PCDH9: variants seen among roughly 807,000 people sequenced by gnomAD.
PCDH9 encodes protocadherin-9.
A neutral mutation model predicts 70.6 loss-of-function variants in PCDH9; 24 were observed. The observed-to-expected ratio is 0.34, with a 90% CI of 0.25 to 0.48. The LOEUF (loss-of-function observed/expected upper bound fraction) is 0.48. PCDH9 is among the 20% of genes least tolerant of loss of function. The pLI, the probability that PCDH9 is intolerant of heterozygous loss-of-function variation, is 0.99. For synonymous variants in PCDH9, 562 were observed against 558.5 expected (o/e 1.01, Z -0.09); for missense variants, 1,281 against 1,503.6 (o/e 0.85, Z 2.45).
At chr13:66,786,396 G>A (rs1426541418) in intron 3 of PCDH9, among the ~76,000 whole-genome samples, 12 of 152,158 alleles carry the variant, frequency 7.9e-5, no homozygotes, top group Admixed American at 7.2e-4. Flanking sequence ...ATGCTTAGGG[G>A]AAAGCTTGCT....
chr13:66,845,197 T>C (rs1185667950), intron 3 of PCDH9, among the ~76,000 whole-genome samples: 1 of 152,146 alleles, frequency 6.6e-6, no homozygotes, highest in Non-Finnish European at 1.5e-5. Context: ...CCGCTGTTCA[T>C]AGTGCCCAGG....
intron 3 of PCDH9, among the ~76,000 whole-genome samples, chr13:66,738,874 C>T (rs1212839909): frequency 1.3e-5 from 2 of 149,592 alleles, no homozygotes; most frequent in Admixed American, 1.3e-4. Context: ...ATTGGTGTAC[C>T]TGAAAGTGAT....
intron 4 of PCDH9, among the ~76,000 whole-genome samples, chr13:66,562,659 C>T (rs1043986422): frequency 7.2e-5 from 11 of 152,150 alleles, no homozygotes; most frequent in East Asian, 3.9e-4. Flanking sequence ...TACCTCCCAC[C>T]GGGTCCCTCC....
chr13:66,793,771 T>C (rs2080197533), intron 3 of PCDH9, among the ~76,000 whole-genome samples: 1 of 152,206 alleles, frequency 6.6e-6, no homozygotes, highest in Non-Finnish European at 1.5e-5. Flanking sequence ...TCTGTTGTGC[T>C]TGATTATTGG....
At chr13:66,358,706 G>C (rs1257416786) in intron 4 of PCDH9, among the ~76,000 whole-genome samples, 1 of 151,846 alleles carries the variant, frequency 6.6e-6, no homozygotes, top group African/African-American at 2.4e-5. Flanking sequence ...CATAAAATAA[G>C]TGTATTGTTT....
At chr13:66,527,959 A>G (rs1363724731) in intron 4 of PCDH9, among the ~76,000 whole-genome samples, 2 of 152,170 alleles carry the variant, frequency 1.3e-5, no homozygotes, top group African/African-American at 4.8e-5. Context: ...TGGAGGTTGA[A>G]GTGAGCTGAG....
At chr13:66,692,682 ATAACT>A (rs1225468529) in intron 3 of PCDH9, among the ~76,000 whole-genome samples, 4 of 152,190 alleles carry the variant, frequency 2.6e-5, no homozygotes, top group Non-Finnish European at 5.9e-5. Context: ...GTATAACAAC[ATAACT>A]TAAATATTGT....
At chr13:67,077,603 C>T (rs546257035) in intron 2 of PCDH9, among the ~76,000 whole-genome samples, 42 of 152,208 alleles carry the variant, frequency 2.8e-4, no homozygotes, top group African/African-American at 9.4e-4. Context: ...TAATAGAATA[C>T]GTATTTGTTG....
At chr13:66,854,239 CT>C (rs2081359118) in intron 3 of PCDH9, among the ~76,000 whole-genome samples, 2 of 152,074 alleles carry the variant, frequency 1.3e-5, no homozygotes, top group South Asian at 4.1e-4. Flanking sequence ...TTCTTTAAGC[CT>C]TTACTTTTCT....
intron 3 of PCDH9, among the ~76,000 whole-genome samples, chr13:66,744,316 G>A (rs1566165118): frequency 6.6e-6 from 1 of 152,068 alleles, no homozygotes; most frequent in Admixed American, 6.6e-5. Flanking sequence ...TTATGAAAAA[G>A]AATAAACCAT....
At chr13:66,470,158 A>G (rs148174573) in intron 4 of PCDH9, among the ~76,000 whole-genome samples, 108 of 152,304 alleles carry the variant, frequency 7.1e-4, no homozygotes, top group Middle Eastern at 3.4e-3. Flanking sequence ...TGCTTTCGTA[A>G]TTAAAACAAT....
intron 4 of PCDH9, among the ~76,000 whole-genome samples, chr13:66,540,761 A>G (rs374870150): frequency 1.3e-5 from 2 of 152,180 alleles, no homozygotes; most frequent in East Asian, 3.8e-4. Context: ...GGTAATTAAA[A>G]TTCATTTAGT....
At chr13:66,978,896 C>A (rs1220049259) in intron 2 of PCDH9, among the ~76,000 whole-genome samples, 1 of 150,700 alleles carries the variant, frequency 6.6e-6, no homozygotes, top group Non-Finnish European at 1.5e-5. Context: ...AGGCCAAAAT[C>A]ATGTATATAT....
intron 4 of PCDH9, among the ~76,000 whole-genome samples, chr13:66,430,666 G>A (rs1957755689): frequency 6.6e-6 from 1 of 151,860 alleles, no homozygotes; most frequent in Non-Finnish European, 1.5e-5. Context: ...ATTCACTCTG[G>A]GATAACAGTA....
intron 3 of PCDH9, among the ~76,000 whole-genome samples, chr13:66,708,403 G>GTTTTTTTTTT (rs36087870): frequency 1.5e-5 from 2 of 136,988 alleles, no homozygotes. Flanking sequence ...TTGAGATTTA[G>GTTTTTTTTTT]TTTTTTTTTT....
intron 4 of PCDH9, among the ~76,000 whole-genome samples, chr13:66,386,712 T>G (rs1161317958): frequency 6.6e-6 from 1 of 152,140 alleles, no homozygotes; most frequent in Non-Finnish European, 1.5e-5. Context: ...AATTCTGAAT[T>G]AACAAAATTG....
At chr13:66,435,914 ACT>A (rs1303997903) in intron 4 of PCDH9, among the ~76,000 whole-genome samples, 12 of 151,838 alleles carry the variant, frequency 7.9e-5, no homozygotes, top group African/African-American at 2.7e-4. Context: ...CTATCTTGAG[ACT>A]CTGGATATCA....
intron 4 of PCDH9, among the ~76,000 whole-genome samples, chr13:66,556,566 A>G (rs899888634): frequency 6.6e-6 from 1 of 152,158 alleles, no homozygotes; most frequent in Non-Finnish European, 1.5e-5. Context: ...TTTAGTAAGG[A>G]TGACTCTATC....
chr13:66,569,318 A>T (rs907467329), intron 4 of PCDH9, among the ~76,000 whole-genome samples: 1 of 152,012 alleles, frequency 6.6e-6, no homozygotes, highest in African/African-American at 2.4e-5. Flanking sequence ...ACACCCAGCC[A>T]AAAGTGTCAT....
Sources: gnomAD v4.1 joint callset for allele counts (sites outside exome capture counted in the v4.1 genomes callset) on GRCh38, gnomAD v4.1.1 for gene constraint, MANE v1.5 for transcripts, NCBI Gene and HGNC (gene_info 2026-07-23, HGNC 2026-07-21) for gene names.